Variants in POU6F2 observed in about 807,000 individuals in gnomAD.
POU6F2 encodes POU domain, class 6, transcription factor 2.
Under a neutral mutation model 71.3 loss-of-function variants are expected in POU6F2, and 31 were observed. The ratio of observed to expected loss-of-function variants is 0.43; its 90% CI spans 0.33 to 0.59. The LOEUF (loss-of-function observed/expected upper bound fraction) is 0.59. Ranked by LOEUF, POU6F2 falls within the 20% of genes least tolerant of loss-of-function variation. The pLI is 0.04. For missense variants in POU6F2, 783 were observed against 856.8 expected (o/e 0.91, Z 1.07); for synonymous variants, 347 against 355.7 (o/e 0.98, Z 0.27).
intron 1 of POU6F2, among the ~76,000 whole-genome samples, chr7:38,989,791 CTG>C (rs1788554883): frequency 6.9e-6 from 1 of 145,278 alleles, no homozygotes; most frequent in African/African-American, 2.6e-5. Context: ...AGGCACTGTT[CTG>C]TGTGTGTTTG....
At chr7:39,259,149 C>CT (rs1275860579) in intron 4 of POU6F2, among the ~76,000 whole-genome samples, 6 of 34,994 alleles carry the variant, frequency 1.7e-4, no homozygotes, top group African/African-American at 4.8e-4. Flanking sequence ...CATTTAAAGA[C>CT]TATAGATATT....
At chr7:38,996,960 T>C (rs1023033713) in intron 1 of POU6F2, among the ~76,000 whole-genome samples, 2 of 152,216 alleles carry the variant, frequency 1.3e-5, no homozygotes, top group Non-Finnish European at 2.9e-5. Context: ...TTCCAGACTT[T>C]TGTTCCTCTT....
intron 4 of POU6F2, among the ~76,000 whole-genome samples, chr7:39,313,559 T>G (rs973187073): frequency 1.3e-5 from 2 of 152,168 alleles, no homozygotes. Context: ...TTCGAGTATT[T>G]ATTTAGTGAA....
chr7:39,136,549 A>G (rs943652295), intron 2 of POU6F2, among the ~76,000 whole-genome samples: 8 of 152,226 alleles, frequency 5.3e-5, no homozygotes, highest in Admixed American at 3.3e-4. Context: ...AAATAAGTTT[A>G]GTACACATTT....
chr7:39,273,972 A>G (rs1784387449), intron 4 of POU6F2, among the ~76,000 whole-genome samples: 1 of 152,326 alleles, frequency 6.6e-6, no homozygotes, highest in South Asian at 2.1e-4. Flanking sequence ...TAACTGCATG[A>G]CTATGGCAAC....
chr7:39,319,098 C>A (rs1785331314), intron 4 of POU6F2, among the ~76,000 whole-genome samples: 1 of 152,152 alleles, frequency 6.6e-6, no homozygotes, highest in Non-Finnish European at 1.5e-5. Flanking sequence ...CACCACTGCA[C>A]CTCAATCTGG....
chr7:39,253,217 T>C (rs1460579910), intron 4 of POU6F2, among the ~76,000 whole-genome samples: 1 of 152,104 alleles, frequency 6.6e-6, no homozygotes, highest in Non-Finnish European at 1.5e-5. Context: ...GGAAGGGTGG[T>C]TTGGAGGGTG....
chr7:39,229,689 T>C (rs989874687), intron 4 of POU6F2, among the ~76,000 whole-genome samples: 3 of 152,252 alleles, frequency 2.0e-5, no homozygotes, highest in Non-Finnish European at 4.4e-5. Context: ...AAATATTACC[T>C]ACACAAAAGA....
chr7:39,252,052 T>C (rs934213531), intron 4 of POU6F2, among the ~76,000 whole-genome samples: 1 of 152,132 alleles, frequency 6.6e-6, no homozygotes, highest in African/African-American at 2.4e-5. Context: ...CTATCTGAAA[T>C]GGGAGGGCCA....
intron 7 of POU6F2, among the ~76,000 whole-genome samples, chr7:39,443,105 T>A (rs574430962): frequency 6.6e-6 from 1 of 152,328 alleles, no homozygotes; most frequent in East Asian, 1.9e-4. Flanking sequence ...GCAGCATCTG[T>A]CAGCCCCGGA....
At chr7:39,165,189 A>G (rs987027065) in intron 2 of POU6F2, among the ~76,000 whole-genome samples, 4 of 151,680 alleles carry the variant, frequency 2.6e-5, no homozygotes, top group African/African-American at 9.7e-5. Context: ...AGGCAACTAC[A>G]CTCCCCCCAG....
chr7:39,218,815 A>G (rs1311745365), intron 4 of POU6F2, among the ~76,000 whole-genome samples: 1 of 152,162 alleles, frequency 6.6e-6, no homozygotes, highest in African/African-American at 2.4e-5. Context: ...TAAGCTGACC[A>G]TGATTCGTTC....
chr7:39,132,526 G>C (rs879435302), intron 2 of POU6F2: 5 of 152,226 alleles, frequency 3.3e-5, no homozygotes, highest in Non-Finnish European at 5.9e-5. Context: ...CACAAAGTCA[G>C]CACTCAGCAT....
At chr7:39,064,623 T>G (rs1382351233) in intron 1 of POU6F2, among the ~76,000 whole-genome samples, 2 of 151,828 alleles carry the variant, frequency 1.3e-5, no homozygotes, top group East Asian at 3.8e-4. Flanking sequence ...AATATATTAA[T>G]TATGGCAATA....
At chr7:39,243,967 G>A (rs1368976188) in intron 4 of POU6F2, among the ~76,000 whole-genome samples, 1 of 152,024 alleles carries the variant, frequency 6.6e-6, no homozygotes, top group African/African-American at 2.4e-5. Flanking sequence ...TGAGAGAGGA[G>A]ACTTGAAGTT....
At chr7:39,088,785 T>G (rs559906534) in intron 2 of POU6F2, among the ~76,000 whole-genome samples, 113 of 152,296 alleles carry the variant, frequency 7.4e-4, no homozygotes, top group Non-Finnish European at 1.4e-3. Context: ...TCAGTATAAA[T>G]GGATTTCTTT....
At chr7:39,446,074 G>A (rs1382829076) in intron 7 of POU6F2, among the ~76,000 whole-genome samples, 1 of 152,184 alleles carries the variant, frequency 6.6e-6, no homozygotes, top group Non-Finnish European at 1.5e-5. Flanking sequence ...CTTGAGAACC[G>A]CTGATTTAAT....
At chr7:39,108,079 A>T (rs1038153556) in intron 2 of POU6F2, among the ~76,000 whole-genome samples, 10 of 152,098 alleles carry the variant, frequency 6.6e-5, no homozygotes, top group African/African-American at 2.4e-4. Context: ...AATTGCTCTC[A>T]ATTCTCCAGC....
At chr7:39,276,823 G>A (rs1487661035) in intron 4 of POU6F2, among the ~76,000 whole-genome samples, 1 of 150,254 alleles carries the variant, frequency 6.7e-6, no homozygotes, top group Non-Finnish European at 1.5e-5. Flanking sequence ...AACACCGCAT[G>A]TTCTCAGTCA....
Sources: gnomAD v4.1 joint callset for allele counts (sites outside exome capture counted in the v4.1 genomes callset) on GRCh38, gnomAD v4.1.1 for gene constraint, MANE v1.5 for transcripts, NCBI Gene and HGNC (gene_info 2026-07-23, HGNC 2026-07-21) for gene names.